Variants in PPP2R3B observed in about 807,000 individuals in gnomAD.
PPP2R3B encodes serine/threonine-protein phosphatase 2A regulatory subunit B'' subunit beta.
In PPP2R3B, 68 loss-of-function variants were observed where a neutral mutation model predicts 72.9. The observed-to-expected ratio is 0.93, with a 90% CI of 0.77 to 1.14. PPP2R3B has a LOEUF of 1.14. Ranked by LOEUF, PPP2R3B falls within the 50% of genes most tolerant of loss-of-function variation. The probability of loss-of-function intolerance (pLI) is 0.00; values close to 1 mark genes in which losing one functional copy is unlikely to be tolerated. For missense variants in PPP2R3B, 1,018 were observed against 842.0 expected (o/e 1.21, Z -2.59); for synonymous variants, 466 against 375.8 (o/e 1.24, Z -2.78).
At chrX:367,027 C>CAA (rs768980401) in intron 1 of PPP2R3B, among the ~76,000 whole-genome samples, 13,863 of 139,370 alleles carry the variant, frequency 0.099, 2,165 homozygotes, top group African/African-American at 0.34. Context: ...GACTCTGTCT[C>CAA]AAAAAAAAAA....
At chrX:345,461 G>A (rs1174084001) in intron 7 of PPP2R3B, 55 bp downstream of exon 7, 3 of 1,607,934 alleles carry the variant, frequency 1.9e-6, no homozygotes, top group Middle Eastern at 1.8e-4. Flanking sequence ...CAGGCCCTGA[G>A]AGAAGGGTGT....
intron 5 of PPP2R3B, 164 bp downstream of exon 5, chrX:346,537 C>T (rs1312345466): frequency 1.4e-6 from 1 of 700,512 alleles, no homozygotes; most frequent in Non-Finnish European, 2.3e-6. Context: ...CCCCCAACAC[C>T]GGGCTCCCGG....
chrX:352,699 G>A (rs768161372), intron 2 of PPP2R3B, among the ~76,000 whole-genome samples: 60 of 152,032 alleles, frequency 3.9e-4, no homozygotes, highest in Middle Eastern at 3.4e-3. Context: ...ACAAAGTCCC[G>A]AGCGTCTACA....
intron 1 of PPP2R3B, among the ~76,000 whole-genome samples, chrX:380,906 A>T (rs1285331894): frequency 6.6e-6 from 1 of 150,782 alleles, no homozygotes; most frequent in African/African-American, 2.4e-5. Context: ...CCTGGCTTGC[A>T]GCATCAGCCC....
At position 345,561 on chromosome X, in the gene PPP2R3B, C is replaced by A; in HGVS notation, c.991G>T (p.Asp331Tyr). The A allele has an allele frequency of 6.2e-7, 1 of 1,613,252 alleles. No homozygotes were observed. The highest frequency in any genetic ancestry group is 1.3e-5 in the African/African-American group (1 of 74,976). ...CKFWELDTDH[D>Y]LLIDADDLAR... ...AGGTCGTCCGCGTCGATGAGCAGGT[C>A]GTGGTCCGTGTCCAGCTCCCAGAAC... Residue 331 changes from aspartate to tyrosine, a missense_variant, in exon 7 of 13, where the codon GAC becomes TAC. Physicochemically the swap from Asp to Tyr is radical, Grantham distance 160. Coordinates refer to ENST00000390665, the MANE Select transcript of PPP2R3B (RefSeq NM_013239.5).
rs1055569716 is a variant in PPP2R3B at position 364,618 on chromosome X, T to A, written c.325-3028A>T. The stretch of plus-strand genomic sequence containing the variant: ...CTGTACTCCCAGCTACTCGGGAGGC[T>A]GAGGCAGGAGAATCGCTTCAACACA... On this transcript the variant is annotated intron_variant, in intron 1 of 12. Coordinates refer to ENST00000390665, the MANE Select transcript of PPP2R3B (RefSeq NM_013239.5). Among the ~76,000 whole-genome samples the A allele has an allele frequency of 1.4e-5, 2 of 146,270 alleles. 1 individual carries two copies. The highest frequency in any genetic ancestry group is 5.1e-5 in the African/African-American group (2 of 39,222).
intron 2 of PPP2R3B, among the ~76,000 whole-genome samples, chrX:359,343 T>C (rs2124176131): frequency 6.6e-6 from 1 of 152,178 alleles, no homozygotes; most frequent in Non-Finnish European, 1.5e-5. Context: ...TTAAGTCGAG[T>C]GAGTCTGCCA....
At chrX:353,131 T>A (rs2071364508) in intron 2 of PPP2R3B, among the ~76,000 whole-genome samples, 1 of 151,994 alleles carries the variant, frequency 6.6e-6, no homozygotes, top group Admixed American at 6.6e-5. Flanking sequence ...CCCAGCACTT[T>A]GAGACGCCAA....
intron 1 of PPP2R3B, among the ~76,000 whole-genome samples, chrX:383,837 C>CAAAAAAAAAAAAAAAAAAAA (rs757960788): frequency 1.1e-4 from 5 of 45,626 alleles, no homozygotes; most frequent in African/African-American, 1.3e-4. Flanking sequence ...GACTCCGTCT[C>CAAAAAAAAAAAAAAAAAAAA]AAAAAAAAAA....
chrX:362,641 C>T (rs1376196210), intron 1 of PPP2R3B, among the ~76,000 whole-genome samples: 1 of 152,122 alleles, frequency 6.6e-6, no homozygotes, highest in Non-Finnish European at 1.5e-5. Flanking sequence ...CCTCCTCAAC[C>T]AACTGCCATG....
intron 1 of PPP2R3B, among the ~76,000 whole-genome samples, chrX:367,086 G>T (rs2071734939): frequency 6.7e-6 from 1 of 150,164 alleles, no homozygotes; most frequent in Admixed American, 6.7e-5. Flanking sequence ...TACAGAGCAT[G>T]CACCCCATTA....
intron 1 of PPP2R3B, among the ~76,000 whole-genome samples, chrX:362,677 G>A (rs1255098088): frequency 1.3e-5 from 2 of 152,030 alleles, no homozygotes; most frequent in Admixed American, 1.3e-4. Flanking sequence ...GAGGAAGTCC[G>A]CATACCAGTG....
Position 345,525 on chromosome X carries a change from T to G in PPP2R3B, c.1027A>C (p.Asn343His), listed in dbSNP as rs377659448. 41 of 1,612,744 alleles carry G rather than the reference T, an allele frequency of 2.5e-5. No homozygotes were observed. Among genetic ancestry groups the G allele is most frequent in the Non-Finnish European group, 3.1e-5 (37 of 1,179,486 alleles). The change falls in exon 7 of 13, where the codon AAT (asparagine) becomes CAT (histidine). Residue 343 changes from asparagine to histidine, a missense_variant. Physicochemically the swap from Asn to His is moderately conservative, Grantham distance 68. Coordinates refer to ENST00000390665, the MANE Select transcript of PPP2R3B (RefSeq NM_013239.5). The part of the protein sequence containing the change: ...LIDADDLARH[N>H]DHALSTKMID... ...CTGTGCCCCCACGCACCGTGGTCAT[T>G]GTGCCGCGCCAGGTCGTCCGCGTCG...
chrX:345,762 A>G (rs1218742407), intron 6 of PPP2R3B, 90 bp from the exon 7 acceptor site: 1 of 426,988 alleles, frequency 2.3e-6, no homozygotes. Context: ...GAAGGCTGGG[A>G]GGGTCGGGGC....
In PPP2R3B at chrX:334,437, G is replaced by C. The variant is rs200453431; in HGVS notation, c.1658C>G (p.Ala553Gly). The stretch of plus-strand genomic sequence containing the variant: ...GTCCACGGCGCCCAGCGGTGAGGGC[G>C]CCTCGAAGAAGGGCCTCTGGGCCAG... ...SPLAQRPFFE[A>G]PSPLGAVDLY... Residue 553 changes from alanine to glycine, a missense_variant, in exon 13 of 13, where the codon GCG becomes GGG. By Grantham distance (60) the Ala-to-Gly change is moderately conservative. Coordinates refer to ENST00000390665, the MANE Select transcript of PPP2R3B (RefSeq NM_013239.5). 5.0e-6 allele frequency: 8 copies of C among 1,595,546 alleles called. No individual in the cohort carries two copies. Among genetic ancestry groups the C allele is most frequent in the Non-Finnish European group, 6.0e-6 (7 of 1,176,050 alleles).
intron 1 of PPP2R3B, among the ~76,000 whole-genome samples, chrX:373,241 A>G (rs73178056): frequency 0.14 from 20,709 of 152,170 alleles, 1,593 homozygotes; most frequent in African/African-American, 0.22. Context: ...GCGCACTCAC[A>G]GCCAAAACTC....
chrX:361,263 G>A (rs1390465749), intron 2 of PPP2R3B, 142 bp downstream of exon 2: 9 of 900,518 alleles, frequency 1.0e-5, no homozygotes, highest in Admixed American at 7.5e-5. Flanking sequence ...GGCCGCTCCC[G>A]CACACGTGTG....
At position 341,897 on chromosome X, in the gene PPP2R3B, TGAG is replaced by T. The variant is rs757065318; in HGVS notation, c.1068_1070del (p.Phe356_Ser357delinsLeu). ...GCCGTACGTACCGTGTGACTGCTCC[TGAG>T]AAGATCCTGTCTATCATCTTGGTAG... On this transcript the variant is annotated inframe_deletion, in exon 8 of 13. Transcript: ENST00000390665. The T allele has an allele frequency of 1.2e-6, 2 of 1,612,686 alleles. No individual in the cohort carries two copies.
At chrX:356,882 C>G (rs1401669717) in intron 2 of PPP2R3B, among the ~76,000 whole-genome samples, 2 of 145,594 alleles carry the variant, frequency 1.4e-5, no homozygotes, top group East Asian at 4.0e-4. Flanking sequence ...AGTATCCACA[C>G]CCCGCCAGCC....
Sources: gnomAD v4.1 joint callset for allele counts (sites outside exome capture counted in the v4.1 genomes callset) on GRCh38, gnomAD v4.1.1 for gene constraint, MANE v1.5 for transcripts, NCBI Gene and HGNC (gene_info 2026-07-23, HGNC 2026-07-21) for gene names.